The following AR variants were observed in gnomAD, a reference collection of about 807,000 sequenced individuals.
The protein encoded by AR is androgen receptor.
AR carries 8 observed loss-of-function variants against 53.9 expected under a neutral mutation model. The ratio of observed to expected loss-of-function variants is 0.15; its 90% CI spans 0.09 to 0.27. The LOEUF is 0.27. Among genes scored for constraint, AR ranks in the 10% least tolerant of loss-of-function variants. The pLI is 1.00. For missense variants in AR, 639 were observed against 742.5 expected (o/e 0.86, Z 1.62); for synonymous variants, 359 against 316.4 (o/e 1.13, Z -1.43).
intron 1 of AR, among the ~76,000 whole-genome samples, chrX:67,548,879 C>T (rs2147325736): frequency 9.0e-6 from 1 of 111,130 alleles, no homozygotes; most frequent in African/African-American, 3.3e-5. Context: ...GCAGAAAGTA[C>T]AAGTTTATTT....
intron 1 of AR, among the ~76,000 whole-genome samples, chrX:67,547,810 C>T (rs1433615278): frequency 2.7e-5 from 3 of 111,629 alleles, no homozygotes; most frequent in Non-Finnish European, 5.6e-5. Context: ...TGAGTAAGAA[C>T]TCTTAATGAC....
rs768474253 is a variant in AR at position 67,717,371 on chromosome X, C to T, written c.2174-107C>T. 657 of 1,072,586 alleles carry T rather than the reference C, an allele frequency of 6.1e-4. 1 individual carries two copies. The highest frequency in any genetic ancestry group is 7.8e-4 in the Non-Finnish European group (608 of 782,256). 88.4% of individuals were successfully genotyped at this position (1,072,586 alleles called of 1,213,427 possible). A position where few individuals can be genotyped will look rare whatever the true frequency, so the allele number is the denominator to read the frequency against. The stretch of plus-strand genomic sequence containing the variant: ...CCAGCCTGGATGGTCCCTGGGGATC[C>T]TTAGGGGATGCCCGAATACCAGAGC... On this transcript the variant is annotated intron_variant, in intron 4 of 7. Transcript: ENST00000374690.
chrX:67,558,301 G>A (rs992997233), intron 1 of AR, among the ~76,000 whole-genome samples: 4 of 112,093 alleles, frequency 3.6e-5, no homozygotes, highest in Non-Finnish European at 7.5e-5. Flanking sequence ...GTAAACTTTG[G>A]CACCTTGCAT....
intron 1 of AR, among the ~76,000 whole-genome samples, chrX:67,617,959 C>A (rs1215367324): frequency 1.8e-5 from 2 of 111,997 alleles, no homozygotes; most frequent in African/African-American, 6.5e-5. Flanking sequence ...GATAACTTTG[C>A]AGAATGGAAA....
rs1923070101 is a variant in AR, at chrX:67,596,124, G to A, written c.1617-47132G>A. ...CCTGCTTTCACCATGTGACATGCCT[G>A]CTCCCCCTTCACCTTCTGCCATAAT... On this transcript the variant is annotated intron_variant, in intron 1 of 7. Coordinates refer to ENST00000374690, the MANE Select transcript of AR (RefSeq NM_000044.6). 4.5e-5 allele frequency among the ~76,000 whole-genome samples: 5 copies of A among 110,748 alleles called. No homozygotes were observed. In the South Asian group the frequency reaches 1.6e-3, roughly 35 times the overall value.
At chrX:67,680,142 A>G (rs1015212514) in intron 2 of AR, among the ~76,000 whole-genome samples, 2 of 111,964 alleles carry the variant, frequency 1.8e-5, no homozygotes, top group Non-Finnish European at 3.8e-5. Flanking sequence ...TTCTGACATT[A>G]TTTAGTGAAT....
intron 1 of AR, among the ~76,000 whole-genome samples, chrX:67,639,549 G>T (rs765891149): frequency 7.9e-4 from 88 of 111,176 alleles, no homozygotes; most frequent in Non-Finnish European, 1.4e-3. Context: ...TTGTAAGTTG[G>T]ATTCCTACAT....
At chrX:67,632,252 G>A (rs1216892759) in intron 1 of AR, among the ~76,000 whole-genome samples, 1 of 112,275 alleles carries the variant, frequency 8.9e-6, no homozygotes, top group Non-Finnish European at 1.9e-5. Flanking sequence ...CTGCCACCTT[G>A]CAGTTTGATC....
chrX:67,584,244 A>G (rs1278656814), intron 1 of AR, among the ~76,000 whole-genome samples: 1 of 112,166 alleles, frequency 8.9e-6, no homozygotes, highest in South Asian at 3.7e-4. Flanking sequence ...CCAGGGGAAC[A>G]GTTCATGGAT....
At chrX:67,646,066 T>C (rs1013247051) in intron 2 of AR, among the ~76,000 whole-genome samples, 13 of 112,303 alleles carry the variant, frequency 1.2e-4, no homozygotes, top group African/African-American at 4.2e-4. Flanking sequence ...TAACTCGGAC[T>C]GAGTATTCAG....
intron 2 of AR, among the ~76,000 whole-genome samples, chrX:67,682,921 C>G: frequency 8.9e-6 from 1 of 112,114 alleles, no homozygotes; most frequent in Non-Finnish European, 1.9e-5. Context: ...AATCCTCAAC[C>G]ACTTCTGTCA....
intron 2 of AR, among the ~76,000 whole-genome samples, chrX:67,652,051 C>A (rs1926371048): frequency 8.9e-6 from 1 of 111,805 alleles, no homozygotes; most frequent in Non-Finnish European, 1.9e-5. Context: ...TGAGCCTTCT[C>A]AGCAGAGCAT....
chrX:67,600,334 T>C (rs1196471293), intron 1 of AR, among the ~76,000 whole-genome samples: 1 of 111,509 alleles, frequency 9.0e-6, no homozygotes, highest in Non-Finnish European at 1.9e-5. Context: ...ATGTGGTACA[T>C]ATATACAACC....
intron 3 of AR, among the ~76,000 whole-genome samples, chrX:67,709,691 C>T (rs1236800976): frequency 8.9e-6 from 1 of 112,192 alleles, no homozygotes; most frequent in African/African-American, 3.2e-5. Flanking sequence ...AACCCGGTAC[C>T]TCAGTCGGAA....
rs189763567 is a variant in AR at position 67,727,213 on chromosome X, T to A, written c.*3372T>A. ...TGTTGTTCTTGGAAAGTTTATTATT[T>A]TTTTAACTCCCTTACTCTGAGAAAG... On this transcript the variant is annotated 3_prime_UTR_variant, in exon 8 of 8. Transcript: ENST00000374690. 3.3e-3 allele frequency: 548 copies of A among 168,308 alleles called. 1 individual carries two copies. Among genetic ancestry groups the A allele is most frequent in the Admixed American group, 5.1e-3 (64 of 12,620 alleles). The allele number at this position is 168,308 out of a possible 1,213,427, so 13.9% of individuals were successfully genotyped here.
chrX:67,674,984 C>T (rs1384526280), intron 2 of AR, among the ~76,000 whole-genome samples: 1 of 110,904 alleles, frequency 9.0e-6, no homozygotes, highest in Non-Finnish European at 1.9e-5. Flanking sequence ...TTATTCAGGG[C>T]CCAAGGGCTC....
At chrX:67,683,584 A>C (rs1312568248) in intron 2 of AR, among the ~76,000 whole-genome samples, 1 of 112,777 alleles carries the variant, frequency 8.9e-6, no homozygotes, top group Non-Finnish European at 1.9e-5. Context: ...ACAAGGATTC[A>C]GATGTTGGGG....
Position 67,545,183 on chromosome X carries a change from C to G in AR, c.37C>G (p.Arg13Gly), listed in dbSNP as rs1335991486. Residue 13 changes from arginine to glycine, a missense_variant, in exon 1 of 8, where the codon CGG (arginine) becomes GGG (glycine). By Grantham distance (125) the Arg-to-Gly change is moderately radical. Transcript: ENST00000374690. ...GTTAGGGCTGGGAAGGGTCTACCCTCGGCCGCCGTCCAAGACCTACCGAGG... is the reference window on the plus strand; with the variant it reads ...GTTAGGGCTGGGAAGGGTCTACCCTGGGCCGCCGTCCAAGACCTACCGAGG... ...VQLGLGRVYP[R>G]PPSKTYRGAF... 1 of 1,204,118 alleles carries G rather than the reference C, an allele frequency of 8.3e-7. No individual in the cohort carries two copies. Among genetic ancestry groups the G allele is most frequent in the Non-Finnish European group, 1.1e-6 (1 of 892,915 alleles).
intron 1 of AR, among the ~76,000 whole-genome samples, chrX:67,618,138 G>A (rs750081455): frequency 2.7e-5 from 3 of 111,405 alleles, no homozygotes; most frequent in African/African-American, 6.5e-5. Context: ...TTAATGTGTA[G>A]TGTAGAAAGA....
Sources: allele counts gnomAD v4.1 joint callset (sites outside exome capture counted in the v4.1 genomes callset), GRCh38; gene constraint gnomAD v4.1.1; transcripts MANE v1.5; gene names NCBI Gene and HGNC (gene_info 2026-07-23, HGNC 2026-07-21).